DPP10: variants seen among roughly 807,000 people sequenced by gnomAD.
The protein encoded by DPP10 is dipeptidyl peptidase like 10, also known as inactive dipeptidyl peptidase 10.
In DPP10, 33 loss-of-function variants were observed where a neutral mutation model predicts 120.9. The observed-to-expected ratio is 0.27, with a 90% CI of 0.21 to 0.37. The LOEUF (loss-of-function observed/expected upper bound fraction) is 0.37. Among genes scored for constraint, DPP10 ranks in the 10% least tolerant of loss-of-function variants. The pLI is 1.00. For missense variants in DPP10, 816 were observed against 942.8 expected (o/e 0.87, Z 1.76); for synonymous variants, 337 against 326.1 (o/e 1.03, Z -0.36).
chr2:114,731,767 G>C (rs1376136071), intron 1 of DPP10, among the ~76,000 whole-genome samples: 1 of 152,170 alleles, frequency 6.6e-6, no homozygotes, highest in Non-Finnish European at 1.5e-5. Context: ...GCACCAATGA[G>C]CACCAATGAG....
rs78833431 is a variant in DPP10 at position 115,608,584 on chromosome 2, C to A, written c.442-81103C>A. Among the ~76,000 whole-genome samples the A allele has an allele frequency of 8.5e-5, 13 of 152,194 alleles. No homozygotes were observed. In the East Asian group the frequency reaches 2.3e-3, roughly 27 times the overall value. ...ATTATTTGGAACAACTAATGTTGTT[C>A]TGGTCACTCTACAGCAAGGATCATC... On this transcript the variant is annotated intron_variant, in intron 5 of 25. Transcript: ENST00000410059.
rs1344959500 is a variant in DPP10, at chr2:115,335,512, C to G, written c.176-8305C>G. ...CATCTGCTGCCTAAAGTTTCAGCATCCTAGGGAAAGAAAAGAACAGATATT... is the reference window on the plus strand; with the variant it reads ...CATCTGCTGCCTAAAGTTTCAGCATGCTAGGGAAAGAAAAGAACAGATATT... On this transcript the variant is annotated intron_variant, in intron 2 of 25. Coordinates refer to ENST00000410059, the MANE Select transcript of DPP10 (RefSeq NM_020868.6). Among the ~76,000 whole-genome samples, 3 of 151,048 alleles carry G rather than the reference C, an allele frequency of 2.0e-5. 1 individual carries two copies. Among genetic ancestry groups the G allele is most frequent in the African/African-American group, 7.3e-5 (3 of 41,074 alleles).
chr2:114,907,874 A>G (rs139715070), intron 1 of DPP10, among the ~76,000 whole-genome samples: 11 of 152,158 alleles, frequency 7.2e-5, no homozygotes, highest in African/African-American at 1.9e-4. Flanking sequence ...TCTTCTGTCT[A>G]GTTGTTCTAC....
At chr2:114,808,342 G>A (rs916995198) in intron 1 of DPP10, among the ~76,000 whole-genome samples, 8 of 152,048 alleles carry the variant, frequency 5.3e-5, no homozygotes, top group African/African-American at 1.9e-4. Context: ...ATTCTTTGGT[G>A]TGTATTCTGG....
chr2:115,108,754 T>C (rs2049070432), intron 1 of DPP10, among the ~76,000 whole-genome samples: 1 of 152,244 alleles, frequency 6.6e-6, no homozygotes, highest in Admixed American at 6.5e-5. Flanking sequence ...TGCTTGCAGG[T>C]CCTGAATGAC....
chr2:114,835,234 A>C (rs1268214450), intron 1 of DPP10: 1 of 151,276 alleles, frequency 6.6e-6, no homozygotes, highest in Admixed American at 6.6e-5. Context: ...CTACACACCT[A>C]TGTGTATATA....
intron 3 of DPP10, among the ~76,000 whole-genome samples, chr2:115,491,557 T>A (rs1222849246): frequency 6.6e-6 from 1 of 151,856 alleles, no homozygotes; most frequent in African/African-American, 2.4e-5. Flanking sequence ...GGAGAGGAGA[T>A]TATCTTGGGG....
At chr2:114,652,980 C>A (rs537916140) in intron 1 of DPP10, among the ~76,000 whole-genome samples, 1 of 150,248 alleles carries the variant, frequency 6.7e-6, no homozygotes, top group African/African-American at 2.5e-5. Context: ...TCTTTTCTCT[C>A]TCATTGGAAG....
rs548949850 is a variant in DPP10, at chr2:115,134,222, G to A, written c.61-175017G>A. 3.3e-5 allele frequency among the ~76,000 whole-genome samples: 5 copies of A among 152,268 alleles called. No individual in the cohort carries two copies. In the East Asian group the frequency reaches 9.6e-4, roughly 29 times the overall value. ...ACAAATTCACAGAACTCCTTCTGAA[G>A]AAACAATTGATTCACTCCTAAGTTT... is the stretch of plus-strand genomic sequence containing the variant. On this transcript the variant is annotated intron_variant, in intron 1 of 25. Coordinates refer to ENST00000410059, the MANE Select transcript of DPP10 (RefSeq NM_020868.6).
At chr2:114,771,824 T>C (rs1044770048) in intron 1 of DPP10, among the ~76,000 whole-genome samples, 5 of 152,178 alleles carry the variant, frequency 3.3e-5, no homozygotes, top group Non-Finnish European at 7.3e-5. Flanking sequence ...TTAAAAAGTA[T>C]AGGAGTCCCA....
At chr2:115,215,548 T>C (rs2056768830) in intron 1 of DPP10, among the ~76,000 whole-genome samples, 1 of 151,734 alleles carries the variant, frequency 6.6e-6, no homozygotes, top group African/African-American at 2.4e-5. Context: ...AGGGAACATA[T>C]ACATCATTGG....
chr2:115,767,954 T>G (rs76185120), intron 12 of DPP10, among the ~76,000 whole-genome samples: 1,609 of 152,284 alleles, frequency 0.011, 39 homozygotes, highest in African/African-American at 0.037. Context: ...TTCTTTATCT[T>G]TGAAGGATAT....
intron 1 of DPP10, among the ~76,000 whole-genome samples, chr2:114,449,080 A>T (rs1335299242): frequency 6.6e-6 from 1 of 152,176 alleles, no homozygotes; most frequent in Non-Finnish European, 1.5e-5. Flanking sequence ...TCTGGTAATC[A>T]ACACATTTTG....
intron 7 of DPP10, among the ~76,000 whole-genome samples, chr2:115,696,186 A>C (rs2091579690): frequency 6.6e-6 from 1 of 152,148 alleles, no homozygotes; most frequent in African/African-American, 2.4e-5. Flanking sequence ...GAAGGGGTAG[A>C]AAAAATATTT....
intron 1 of DPP10, among the ~76,000 whole-genome samples, chr2:114,602,019 G>C (rs975968695): frequency 6.6e-6 from 1 of 151,750 alleles, no homozygotes; most frequent in Non-Finnish European, 1.5e-5. Flanking sequence ...AACAGAATGG[G>C]CTATATTTAT....
At chr2:115,512,237 A>G (rs1484555724) in intron 4 of DPP10, among the ~76,000 whole-genome samples, 2 of 152,044 alleles carry the variant, frequency 1.3e-5, no homozygotes, top group African/African-American at 4.8e-5. Context: ...AGAAGCTGGG[A>G]CTTCAGGCAT....
chr2:115,021,510 T>A (rs1248937886), intron 1 of DPP10, among the ~76,000 whole-genome samples: 1 of 151,978 alleles, frequency 6.6e-6, no homozygotes, highest in Non-Finnish European at 1.5e-5. Flanking sequence ...AGCAGTGAGA[T>A]TGAAATGATA....
chr2:114,672,236 C>A (rs1483942112), intron 1 of DPP10, among the ~76,000 whole-genome samples: 4 of 151,250 alleles, frequency 2.6e-5, no homozygotes, highest in Non-Finnish European at 1.5e-5. Context: ...TTAATACAGT[C>A]TAAGATTTCT....
At chr2:115,261,653 G>A (rs2059254788) in intron 1 of DPP10, among the ~76,000 whole-genome samples, 1 of 152,178 alleles carries the variant, frequency 6.6e-6, no homozygotes, top group African/African-American at 2.4e-5. Flanking sequence ...GTTGAAAGGT[G>A]ATGAACAGTT....
Sources: gnomAD v4.1 joint callset for allele counts (sites outside exome capture counted in the v4.1 genomes callset) on GRCh38, gnomAD v4.1.1 for gene constraint, MANE v1.5 for transcripts, NCBI Gene and HGNC (gene_info 2026-07-23, HGNC 2026-07-21) for gene names.